Variants in PLEKHA1 observed in about 807,000 individuals in gnomAD.
PLEKHA1 encodes pleckstrin homology domain-containing family A member 1.
Under a neutral mutation model 52.0 loss-of-function variants are expected in PLEKHA1, and 34 were observed. The observed-to-expected ratio is 0.65, with a 90% CI of 0.50 to 0.87. The LOEUF is 0.87. Among genes scored for constraint, PLEKHA1 ranks in the 40% least tolerant of loss-of-function variants. The probability of loss-of-function intolerance (pLI) is 0.00; values close to 1 mark genes in which losing one functional copy is unlikely to be tolerated. For synonymous variants in PLEKHA1, 163 were observed against 170.7 expected (o/e 0.95, Z 0.35); for missense variants, 497 against 504.2 (o/e 0.99, Z 0.14).
At position 122,393,316 on chromosome 10, in the gene PLEKHA1, T is replaced by C. The variant is rs1311235748; in HGVS notation, c.116T>C (p.Phe39Ser). 2.5e-6 allele frequency: 4 copies of C among 1,612,136 alleles called. No homozygotes were observed. The highest frequency in any genetic ancestry group is 3.4e-6 in the Non-Finnish European group (4 of 1,179,170). Residue 39 changes from phenylalanine to serine, a missense_variant, in exon 2 of 12, where the codon TTC (phenylalanine) becomes TCC (serine). Transcript: ENST00000368990. The surrounding 1 kb of genome is among the most constrained non-coding windows in gnomAD (Gnocchi z 4.5). ...ATACTGGATACCAGAGAAGATAGTT[T>C]CGTGTGGTACATGGATAATCCACAG... ...YFILDTREDS[F>S]VWYMDNPQNL...
intron 1 of PLEKHA1, chr10:122,387,377 C>T (rs2096714857): frequency 6.6e-6 from 1 of 151,894 alleles, no homozygotes; most frequent in South Asian, 2.1e-4. Flanking sequence ...TCTGATTTCC[C>T]TTTTGATTTC....
chr10:122,424,112 G>C, intron 8 of PLEKHA1, 87 bp from the exon 9 acceptor site: 1 of 1,447,502 alleles, frequency 6.9e-7, no homozygotes, highest in East Asian at 2.5e-5. Flanking sequence ...TTTTCACATG[G>C]GTCTTCAAAT....
intron 11 of PLEKHA1, among the ~76,000 whole-genome samples, chr10:122,429,285 A>G (rs2097388247): frequency 6.6e-6 from 1 of 152,190 alleles, no homozygotes; most frequent in African/African-American, 2.4e-5. Flanking sequence ...TCTTTTAAAC[A>G]CAGTTCAGTT....
chr10:122,400,433 G>T (rs376370955), intron 4 of PLEKHA1, 45 bp downstream of exon 4: 40 of 1,501,788 alleles, frequency 2.7e-5, no homozygotes, highest in Non-Finnish European at 3.4e-5. Context: ...TGATATAATT[G>T]TATCATATTG....
At chr10:122,411,614 T>C (rs1216326906) in intron 5 of PLEKHA1, among the ~76,000 whole-genome samples, 1 of 152,206 alleles carries the variant, frequency 6.6e-6, no homozygotes, top group Non-Finnish European at 1.5e-5. Context: ...GGCTGCACTA[T>C]AGATATGTTG....
At chr10:122,418,298 G>T in intron 8 of PLEKHA1, 2 of 212,308 alleles carry the variant, frequency 9.4e-6, no homozygotes, top group Non-Finnish European at 1.9e-5. Flanking sequence ...ATCCACATGG[G>T]GAAGGGGTGG....
At chr10:122,418,253 G>C (rs2097206851) in intron 8 of PLEKHA1, 1 of 276,934 alleles carries the variant, frequency 3.6e-6, no homozygotes, top group Non-Finnish European at 6.8e-6. Flanking sequence ...GTCCTCTTGG[G>C]GGGTTAGCCC....
chr10:122,400,526 A>C, intron 4 of PLEKHA1, 138 bp downstream of exon 4: 1 of 700,296 alleles, frequency 1.4e-6, no homozygotes, highest in Non-Finnish European at 2.2e-6. Flanking sequence ...TAACTGCTAT[A>C]CAGATAAGGA....
chr10:122,375,560 GT>G, intron 1 of PLEKHA1, among the ~76,000 whole-genome samples: 1 of 152,342 alleles, frequency 6.6e-6, no homozygotes, highest in Non-Finnish European at 1.5e-5. Flanking sequence ...GTGGTTTGTG[GT>G]TTGTTTCAGA....
rs779529048 is a variant in PLEKHA1 at position 122,393,377 on chromosome 10, C to T, written c.141+36C>T. ...TCCCAAGGATTATCTTTTAAAAGCA[C>T]AGAAAGTTGTATTTAAGTATTTAAC... On this transcript the variant is annotated intron_variant, in intron 2 of 11. Transcript: ENST00000368990. The surrounding 1 kb of genome is among the most constrained non-coding windows in gnomAD (Gnocchi z 4.5). 6.4e-7 allele frequency: 1 copy of T among 1,561,802 alleles called. No homozygotes were observed. Among genetic ancestry groups the T allele is most frequent in the Admixed American group, 1.9e-5 (1 of 51,944 alleles).
chr10:122,428,373 C>T, intron 11 of PLEKHA1: 3 of 1,542,556 alleles, frequency 1.9e-6, no homozygotes, highest in South Asian at 1.2e-5. Context: ...GCAAACGTGC[C>T]TTCTTAGTGG....
intron 1 of PLEKHA1, among the ~76,000 whole-genome samples, chr10:122,377,343 C>T (rs2096552627): frequency 6.6e-6 from 1 of 152,068 alleles, no homozygotes; most frequent in Non-Finnish European, 1.5e-5. Context: ...CAAATAATTA[C>T]TTTTCTCATG....
downstream of PLEKHA1, chr10:122,436,425 CA>C (rs1647077788): frequency 6.6e-6 from 1 of 152,166 alleles, no homozygotes; most frequent in African/African-American, 2.4e-5. Context: ...TAGTAAGTAA[CA>C]GATTGAAATA....
chr10:122,384,818 A>G (rs529741731), intron 1 of PLEKHA1, among the ~76,000 whole-genome samples: 1 of 152,062 alleles, frequency 6.6e-6, no homozygotes, highest in South Asian at 2.1e-4. Flanking sequence ...GCCGGGTGGT[A>G]GTGGCTCAGT....
intron 3 of PLEKHA1, among the ~76,000 whole-genome samples, chr10:122,399,787 G>A (rs571773623): frequency 1.3e-5 from 2 of 151,956 alleles, no homozygotes; most frequent in South Asian, 2.1e-4. Context: ...GGGTTTCACC[G>A]TGTTGGCCAG....
In PLEKHA1 at chr10:122,430,857, A is replaced by G. The variant is rs2097410085; in HGVS notation, c.*919A>G. ...CTGTGTTTTTTCATCTTGTTTAGGAATGTTTTGAGATTAATGTGCTTAAAA... is the reference window on the plus strand; with the variant it reads ...CTGTGTTTTTTCATCTTGTTTAGGAGTGTTTTGAGATTAATGTGCTTAAAA... On this transcript the variant is annotated 3_prime_UTR_variant, in exon 12 of 12. Transcript: ENST00000368990. 1 of 152,648 alleles carries G rather than the reference A, an allele frequency of 6.6e-6. No homozygotes were observed. The highest frequency in any genetic ancestry group is 2.1e-4 in the South Asian group (1 of 4,818). The allele number at this position is 152,648 out of a possible 1,614,324, so 9.5% of individuals were successfully genotyped here.
intron 11 of PLEKHA1, among the ~76,000 whole-genome samples, chr10:122,427,950 A>T (rs967455707): frequency 2.6e-5 from 4 of 152,238 alleles, no homozygotes; most frequent in African/African-American, 9.6e-5. Context: ...ACAGATAAAT[A>T]AATAGAAATC....
chr10:122,399,622 T>G (rs1401161300), intron 3 of PLEKHA1, among the ~76,000 whole-genome samples: 1 of 152,088 alleles, frequency 6.6e-6, no homozygotes, highest in Non-Finnish European at 1.5e-5. Context: ...TCTCACTGTC[T>G]CCCAGGCTGG....
At chr10:122,432,527 G>A (rs1211173536), downstream of PLEKHA1, 1 of 139,522 alleles carries the variant, frequency 7.2e-6, no homozygotes, top group Non-Finnish European at 1.5e-5. Context: ...CCCTGCATGT[G>A]AAATTATAGA....
Sources: allele counts gnomAD v4.1 joint callset (sites outside exome capture counted in the v4.1 genomes callset), GRCh38; gene constraint gnomAD v4.1.1; non-coding constraint Gnocchi (gnomAD v3.1); transcripts MANE v1.5; gene names NCBI Gene and HGNC (gene_info 2026-07-23, HGNC 2026-07-21).